MXI1: variants seen among roughly 807,000 people sequenced by gnomAD.
MXI1 encodes the protein MAX interactor 1, dimerization protein, also known as max-interacting protein 1.
Under a neutral mutation model 36.9 loss-of-function variants are expected in MXI1, and 18 were observed. The ratio of observed to expected loss-of-function variants is 0.49; its 90% CI spans 0.34 to 0.72. The LOEUF is 0.72. MXI1 is among the 30% of genes least tolerant of loss of function. The probability of loss-of-function intolerance (pLI) is 0.01; values close to 1 mark genes in which losing one functional copy is unlikely to be tolerated. For missense variants in MXI1, 304 were observed against 379.1 expected, an observed-to-expected ratio of 0.80 and a Z score of 1.64; for synonymous variants, 160 against 146.7, an observed-to-expected ratio of 1.09 and a Z score of -0.65.
intron 1 of MXI1, chr10:110,225,920 G>C (rs1854948165): frequency 1.3e-6 from 1 of 777,428 alleles, no homozygotes; most frequent in Non-Finnish European, 1.6e-6. Context: ...ACATTTCCCA[G>C]GGGGCAGAGG....
At chr10:110,280,108 A>G (rs772756651) in intron 5 of MXI1, 23 bp downstream of exon 5, 1 of 1,557,996 alleles carries the variant, frequency 6.4e-7, no homozygotes, top group South Asian at 1.2e-5. Context: ...CCTCTTCTCT[A>G]ATGAAATACT....
intron 3 of MXI1, among the ~76,000 whole-genome samples, chr10:110,253,088 C>T (rs1856157498): frequency 6.6e-6 from 1 of 151,948 alleles, no homozygotes; most frequent in South Asian, 2.1e-4. Flanking sequence ...CTTGTGGGAT[C>T]TTTATTCCTT....
chr10:110,221,797 C>T (rs948684072), intron 1 of MXI1, among the ~76,000 whole-genome samples: 1 of 152,228 alleles, frequency 6.6e-6, no homozygotes, highest in Non-Finnish European at 1.5e-5. Context: ...TAAACACTGC[C>T]TCCCCCTGGC....
At chr10:110,227,887 C>G in intron 1 of MXI1, 1 of 367,288 alleles carries the variant, frequency 2.7e-6, no homozygotes, top group South Asian at 3.6e-5. Context: ...TGAATGGTAA[C>G]TGGTCACAAA....
At chr10:110,273,212 T>C (rs1856916620) in intron 3 of MXI1, among the ~76,000 whole-genome samples, 1 of 151,750 alleles carries the variant, frequency 6.6e-6, no homozygotes, top group African/African-American at 2.4e-5. Context: ...CACGCCTGGC[T>C]AATTTTTTGT....
chr10:110,268,446 T>C (rs1208885324), intron 3 of MXI1, among the ~76,000 whole-genome samples: 2 of 152,202 alleles, frequency 1.3e-5, no homozygotes, highest in Non-Finnish European at 2.9e-5. Context: ...CAGTGTAATG[T>C]TGCAACCCAG....
intron 1 of MXI1, among the ~76,000 whole-genome samples, chr10:110,215,041 T>TG (rs1854601088): frequency 1.3e-5 from 1 of 76,856 alleles, no homozygotes; most frequent in African/African-American, 1.1e-4. Context: ...GTTTTTTTTT[T>TG]TGTTTTTTTT....
chr10:110,275,095 G>A (rs137893451), intron 3 of MXI1, among the ~76,000 whole-genome samples: 1 of 151,800 alleles, frequency 6.6e-6, no homozygotes, highest in Admixed American at 6.6e-5. Context: ...GACTGGTCTC[G>A]AACTCCTGAC....
At chr10:110,240,040 C>CT (rs995816977) in intron 2 of MXI1, among the ~76,000 whole-genome samples, 1 of 151,742 alleles carries the variant, frequency 6.6e-6, no homozygotes, top group African/African-American at 2.4e-5. Context: ...GTGTGTTTGG[C>CT]TTTTTTCATT....
intron 1 of MXI1, among the ~76,000 whole-genome samples, chr10:110,217,176 TG>T (rs1854673587): frequency 6.6e-6 from 1 of 152,188 alleles, no homozygotes; most frequent in Non-Finnish European, 1.5e-5. Flanking sequence ...AACATGCTCT[TG>T]GCCACAGACC....
At chr10:110,218,368 T>C (rs1030634750) in intron 1 of MXI1, among the ~76,000 whole-genome samples, 7 of 151,324 alleles carry the variant, frequency 4.6e-5, no homozygotes, top group African/African-American at 1.7e-4. Flanking sequence ...GAGAATGGCG[T>C]GAACCCGGGA....
At chr10:110,227,478 G>A in intron 1 of MXI1, 1 of 988,554 alleles carries the variant, frequency 1.0e-6, no homozygotes, top group South Asian at 4.5e-5. Context: ...GTTGGAGAGA[G>A]GGCGGTCTGG....
At chr10:110,237,936 C>T (rs1398244900) in intron 2 of MXI1, among the ~76,000 whole-genome samples, 1 of 152,156 alleles carries the variant, frequency 6.6e-6, no homozygotes, top group Non-Finnish European at 1.5e-5. Flanking sequence ...GCTACAATGT[C>T]CAGCTGTTAT....
At chr10:110,272,164 A>G (rs947792787) in intron 3 of MXI1, among the ~76,000 whole-genome samples, 1 of 152,210 alleles carries the variant, frequency 6.6e-6, no homozygotes, top group Non-Finnish European at 1.5e-5. Context: ...AAATGCTCCA[A>G]AATCTGAAAC....
intron 3 of MXI1, 34 bp downstream of exon 3, chr10:110,244,891 G>T (rs745737064): frequency 3.7e-6 from 6 of 1,601,614 alleles, no homozygotes; most frequent in Middle Eastern, 2.2e-4. Flanking sequence ...TTTCACTTAC[G>T]TTTAAAAGCA....
intron 1 of MXI1, chr10:110,227,816 CT>C (rs1231927303): frequency 1.2e-5 from 3 of 256,124 alleles, no homozygotes; most frequent in Admixed American, 9.3e-5. Flanking sequence ...TAAAGAGACT[CT>C]TTAGAACAGA....
chr10:110,252,238 A>G (rs1856118926), intron 3 of MXI1, among the ~76,000 whole-genome samples: 1 of 152,170 alleles, frequency 6.6e-6, no homozygotes, highest in Non-Finnish European at 1.5e-5. Flanking sequence ...ATCTTCTCTT[A>G]GTGCCTACTG....
intron 3 of MXI1, among the ~76,000 whole-genome samples, chr10:110,250,358 A>G (rs1856033667): frequency 6.6e-6 from 1 of 152,170 alleles, no homozygotes; most frequent in Non-Finnish European, 1.5e-5. Context: ...GAATCATCTC[A>G]TGGTAAACTT....
In MXI1 at chr10:110,227,481, C is replaced by T. The variant is rs1251345835; in HGVS notation, c.275-708C>T. The T allele has an allele frequency of 7.1e-6, 7 of 984,966 alleles. No homozygotes were observed. In the African/African-American group the frequency reaches 1.2e-4, roughly 18 times the overall value. The allele number at this position is 984,966 out of a possible 1,614,324, so 61.0% of individuals were successfully genotyped here. A position where few individuals can be genotyped will look rare whatever the true frequency, so the allele number is the denominator to read the frequency against. ...GGGTGGAGGGAAGTTGGAGAGAGGG[C>T]GGTCTGGGGCTGGAGAGAGGGTGAC... On this transcript the variant is annotated intron_variant, in intron 1 of 5. Coordinates refer to ENST00000332674, the MANE Select transcript of MXI1 (RefSeq NM_130439.3).
Sources: gnomAD v4.1 joint callset for allele counts (sites outside exome capture counted in the v4.1 genomes callset) on GRCh38, gnomAD v4.1.1 for gene constraint, MANE v1.5 for transcripts, NCBI Gene and HGNC (gene_info 2026-07-23, HGNC 2026-07-21) for gene names.